BBS9: variants seen among roughly 807,000 people sequenced by gnomAD.
BBS9 encodes the protein protein PTHB1.
Under a neutral mutation model 117.7 loss-of-function variants are expected in BBS9, and 89 were observed. That is an observed-to-expected ratio of 0.76 (90% confidence interval 0.64 to 0.90). BBS9 has a LOEUF of 0.90. Among genes scored for constraint, BBS9 ranks in the 40% least tolerant of loss-of-function variants. The pLI is 0.00. For synonymous variants in BBS9, 379 were observed against 370.9 expected, an observed-to-expected ratio of 1.02 and a Z score of -0.25; for missense variants, 982 against 1,042.2, an observed-to-expected ratio of 0.94 and a Z score of 0.80.
intron 7 of BBS9, among the ~76,000 whole-genome samples, chr7:33,272,247 A>G (rs749214607): frequency 1.3e-5 from 2 of 152,154 alleles, no homozygotes; most frequent in Non-Finnish European, 2.9e-5. Context: ...TAACTATCAC[A>G]TACTACGCTT....
intron 5 of BBS9, among the ~76,000 whole-genome samples, chr7:33,209,440 C>T (rs55924837): frequency 0.11 from 17,034 of 152,116 alleles, 1,123 homozygotes; most frequent in African/African-American, 0.18. Flanking sequence ...TACTGATTTT[C>T]GTTCTTTTGG....
intron 5 of BBS9, among the ~76,000 whole-genome samples, chr7:33,249,251 A>ACACG (rs761285224): frequency 1.3e-4 from 19 of 151,542 alleles, no homozygotes; most frequent in Middle Eastern, 3.2e-3. Context: ...ACACACACAC[A>ACACG]CGCGTACACT....
intron 19 of BBS9, among the ~76,000 whole-genome samples, chr7:33,398,821 G>A (rs2128783863): frequency 6.6e-6 from 1 of 152,244 alleles, no homozygotes; most frequent in Non-Finnish European, 1.5e-5. Context: ...TCACTGCTGG[G>A]ACTACAGGCA....
chr7:33,580,148 C>T (rs1859632393), intron 21 of BBS9, among the ~76,000 whole-genome samples: 1 of 152,068 alleles, frequency 6.6e-6, no homozygotes, highest in Admixed American at 6.6e-5. Context: ...ATAGAGGCCT[C>T]TGCTGGTTAG....
chr7:33,327,240 G>A (rs1423693494), intron 9 of BBS9, among the ~76,000 whole-genome samples: 1 of 152,182 alleles, frequency 6.6e-6, no homozygotes, highest in Admixed American at 6.5e-5. Context: ...GTAGGGCCTT[G>A]AAGACTCTTG....
At chr7:33,258,722 T>C (rs1012898612) in intron 6 of BBS9, among the ~76,000 whole-genome samples, 9 of 152,214 alleles carry the variant, frequency 5.9e-5, no homozygotes, top group Non-Finnish European at 1.0e-4. Context: ...TGCCAAGTAG[T>C]GCTATGCTAG....
intron 19 of BBS9, among the ~76,000 whole-genome samples, chr7:33,423,293 G>A (rs963595547): frequency 3.3e-5 from 5 of 151,884 alleles, no homozygotes; most frequent in Non-Finnish European, 7.4e-5. Context: ...GGAGCCTGTG[G>A]GAATACAGCA....
chr7:33,206,803 C>T (rs1787015453), intron 5 of BBS9, among the ~76,000 whole-genome samples: 1 of 152,098 alleles, frequency 6.6e-6, no homozygotes, highest in African/African-American at 2.4e-5. Flanking sequence ...TTTCCCATCT[C>T]AATGATTACA....
In BBS9 at chr7:33,273,808, C is replaced by T. The variant is rs764586322; in HGVS notation, c.887-19C>T. On this transcript the variant is annotated intron_variant, in intron 8 of 22. Transcript: ENST00000242067. ...TGACTGTTTTCTTAGTGTCTCTTTT[C>T]TGTATTTTCAACTTACAGTTTCTGA... The T allele has an allele frequency of 1.2e-6, 2 of 1,602,290 alleles. No individual in the cohort carries two copies. Among genetic ancestry groups the T allele is most frequent in the Non-Finnish European group, 1.7e-6 (2 of 1,170,808 alleles).
At position 33,335,577 on chromosome 7, in the gene BBS9, T is replaced by C. The variant is rs73099291; in HGVS notation, c.1017-864T>C. Among the ~76,000 whole-genome samples, 739 of 152,298 alleles carry C rather than the reference T, an allele frequency of 4.9e-3. 2 individuals are homozygous for C. The highest frequency in any genetic ancestry group is 8.6e-3 in the Non-Finnish European group (585 of 68,020). Reference sequence around the variant, plus strand: ...CAGTATTCATCTCAGCTACTTTTTATGACATGTTCACAAAAACAACTTTAA... The same window carrying C: ...CAGTATTCATCTCAGCTACTTTTTACGACATGTTCACAAAAACAACTTTAA... On this transcript the variant is annotated intron_variant, in intron 9 of 22. Coordinates refer to ENST00000242067, the MANE Select transcript of BBS9 (RefSeq NM_198428.3).
In BBS9 at chr7:33,490,990, C is replaced by A. The variant is rs1019557497; in HGVS notation, c.2116-14473C>A. ...CTTAAACCACCAGTTTCGTCACAGC[C>A]AAAGTAGATCTAATAGCCCCACTGC... On this transcript the variant is annotated intron_variant, in intron 19 of 22. Transcript: ENST00000242067. 3.9e-5 allele frequency among the ~76,000 whole-genome samples: 6 copies of A among 152,060 alleles called. No homozygotes were observed. In the South Asian group the frequency reaches 1.2e-3, roughly 32 times the overall value.
rs142084251 is a variant in BBS9, at chr7:33,553,196, C to T, written c.2521+19020C>T. On this transcript the variant is annotated intron_variant, in intron 21 of 22. Coordinates refer to ENST00000242067, the MANE Select transcript of BBS9 (RefSeq NM_198428.3). ...CCCCTATTATTCTCACTCATGGTCT[C>T]TTGGACTTTTTCTTTATAGCTGAAG... Among the ~76,000 whole-genome samples the T allele has an allele frequency of 2.9e-3, 435 of 152,290 alleles. 2 individuals carry two copies. The highest frequency in any genetic ancestry group is 9.9e-3 in the African/African-American group (411 of 41,556).
intron 19 of BBS9, among the ~76,000 whole-genome samples, chr7:33,495,716 A>T (rs1367929734): frequency 6.6e-6 from 1 of 152,192 alleles, no homozygotes; most frequent in Non-Finnish European, 1.5e-5. Flanking sequence ...CCAGGGGGAA[A>T]AAAAGGTAAA....
intron 3 of BBS9, among the ~76,000 whole-genome samples, chr7:33,154,606 C>T (rs547294379): frequency 6.6e-6 from 1 of 152,248 alleles, no homozygotes; most frequent in African/African-American, 2.4e-5. Flanking sequence ...GCTGGGACTA[C>T]AGGCACGTGC....
chr7:33,236,113 G>T (rs1021695462), intron 5 of BBS9, among the ~76,000 whole-genome samples: 4 of 152,028 alleles, frequency 2.6e-5, no homozygotes, highest in African/African-American at 7.2e-5. Flanking sequence ...GATCACCTGA[G>T]GTTGGGAGTT....
At chr7:33,459,590 T>A (rs747093243) in intron 19 of BBS9, among the ~76,000 whole-genome samples, 1 of 152,158 alleles carries the variant, frequency 6.6e-6, no homozygotes, top group African/African-American at 2.4e-5. Context: ...TCAAAATATC[T>A]CATTTCAGTG....
chr7:33,275,901 A>G (rs904835810), intron 9 of BBS9, among the ~76,000 whole-genome samples: 3 of 152,072 alleles, frequency 2.0e-5, no homozygotes, highest in Non-Finnish European at 2.9e-5. Context: ...AAAACACCAA[A>G]TTTTCATATA....
intron 19 of BBS9, among the ~76,000 whole-genome samples, chr7:33,410,350 C>A (rs951297207): frequency 6.6e-6 from 1 of 152,182 alleles, no homozygotes; most frequent in African/African-American, 2.4e-5. Context: ...TTAGCCTCAT[C>A]AGAACACTGT....
chr7:33,413,446 G>C lies in BBS9; in HGVS notation c.2115+25302G>C, dbSNP rs566299692. 3.9e-5 allele frequency among the ~76,000 whole-genome samples: 6 copies of C among 152,252 alleles called. 1 individual carries two copies. In the South Asian group the frequency reaches 1.2e-3, roughly 32 times the overall value. ...TTTAAGGCCTTAATATAAATTAGCTGATTATTACTAATTTTATGAGTTGAT... is the reference window on the plus strand; with the variant it reads ...TTTAAGGCCTTAATATAAATTAGCTCATTATTACTAATTTTATGAGTTGAT... On this transcript the variant is annotated intron_variant, in intron 19 of 22. Coordinates refer to ENST00000242067, the MANE Select transcript of BBS9 (RefSeq NM_198428.3).
Sources: allele counts gnomAD v4.1 joint callset (sites outside exome capture counted in the v4.1 genomes callset), GRCh38; gene constraint gnomAD v4.1.1; transcripts MANE v1.5; gene names NCBI Gene and HGNC (gene_info 2026-07-23, HGNC 2026-07-21).